Variants in NIBAN1 observed in about 807,000 individuals in gnomAD.
The protein encoded by NIBAN1 is niban apoptosis regulator 1, also known as protein Niban 1.
Under a neutral mutation model 75.1 loss-of-function variants are expected in NIBAN1, and 81 were observed. The observed-to-expected ratio is 1.08, with a 90% CI of 0.90 to 1.30. NIBAN1 has a LOEUF of 1.30. NIBAN1 is among the 50% of genes most tolerant of loss of function. The probability of loss-of-function intolerance (pLI) is 0.00; values close to 1 mark genes in which losing one functional copy is unlikely to be tolerated. For missense variants in NIBAN1, 1,133 were observed against 1,128.1 expected (o/e 1.00, Z -0.06); for synonymous variants, 436 against 424.8 (o/e 1.03, Z -0.32).
rs1239080742 is a variant in NIBAN1 at position 184,795,005 on chromosome 1, C to G, written c.2759G>C (p.Ser920Thr). The G allele has an allele frequency of 6.2e-7, 1 of 1,612,180 alleles. No individual in the cohort carries two copies. The highest frequency in any genetic ancestry group is 8.5e-7 in the Non-Finnish European group (1 of 1,180,046). Residue 920 changes from serine (S) to threonine (T), a missense_variant, in exon 14 of 14, where the codon AGT becomes ACT. By Grantham distance (58) the Ser-to-Thr change is moderately conservative. Coordinates refer to ENST00000367511, the MANE Select transcript of NIBAN1 (RefSeq NM_052966.4). ...DVKEGEGGQE[S>T]FPELPSEE Reference sequence around the variant, plus strand: ...CTCCTCTGAGGGCAGCTCTGGGAAACTCTCCTGACCACCTTCTCCCTCCTT... The same window carrying G: ...CTCCTCTGAGGGCAGCTCTGGGAAAGTCTCCTGACCACCTTCTCCCTCCTT...
In NIBAN1 at chr1:184,890,303, C is replaced by G. The variant is rs991443249; in HGVS notation, c.319-81G>C. On this transcript the variant is annotated intron_variant, in intron 3 of 13. Transcript: ENST00000367511. ...AAATATCAGGGATATAACAAATAGA[C>G]AGATTCAGACATTCAGAGATAGCAA... 8 of 915,112 alleles carry G rather than the reference C, an allele frequency of 8.7e-6. No individual in the cohort carries two copies. The Admixed American group carries it at 1.5e-4, about 17-fold the overall frequency. The allele number at this position is 915,112 out of a possible 1,614,324, so 56.7% of individuals were successfully genotyped here. A position where few individuals can be genotyped will look rare whatever the true frequency, so the allele number is the denominator to read the frequency against.
rs565220094 is a variant in NIBAN1, at chr1:184,815,063, T to C, written c.1173+3575A>G. ...GAACCAATATTCACTTCCATATTCC[T>C]GGGGAAAAAATTAAAGCGTCAGGTA... On this transcript the variant is annotated intron_variant, in intron 9 of 13. Coordinates refer to ENST00000367511, the MANE Select transcript of NIBAN1 (RefSeq NM_052966.4). 2.0e-5 allele frequency among the ~76,000 whole-genome samples: 3 copies of C among 152,322 alleles called. No individual in the cohort carries two copies. The South Asian group carries it at 6.2e-4, about 32-fold the overall frequency.
At chr1:184,911,903 G>A (rs1421534879) in intron 1 of NIBAN1, among the ~76,000 whole-genome samples, 1 of 152,108 alleles carries the variant, frequency 6.6e-6, no homozygotes, top group Non-Finnish European at 1.5e-5. Context: ...GTGATACTAT[G>A]CCACATTTGC....
chr1:184,805,938 G>A lies in NIBAN1; in HGVS notation c.1446+8C>T, dbSNP rs749279148. The stretch of plus-strand genomic sequence containing the variant: ...TTATGCTTCCCACAAACAAGAGAAC[G>A]GTTTTACCTTTAAGACTCGGAGTTT... On this transcript the variant is annotated splice_region_variant and intron_variant, in intron 11 of 13. Transcript: ENST00000367511. 13 of 1,607,220 alleles carry A rather than the reference G, an allele frequency of 8.1e-6. No homozygotes were observed. Among genetic ancestry groups the A allele is most frequent in the East Asian group, 2.2e-5 (1 of 44,880 alleles).
chr1:184,836,039 A>G (rs1655133059), intron 5 of NIBAN1, among the ~76,000 whole-genome samples: 1 of 152,088 alleles, frequency 6.6e-6, no homozygotes, highest in South Asian at 2.1e-4. Context: ...AAATCGAAGT[A>G]TTTTTTCCTC....
At chr1:184,952,800 C>T (rs962306911) in intron 1 of NIBAN1, among the ~76,000 whole-genome samples, 5 of 152,162 alleles carry the variant, frequency 3.3e-5, no homozygotes, top group South Asian at 2.1e-4. Flanking sequence ...ATGAGAAAAC[C>T]GAGGCCTAAA....
chr1:184,971,234 T>C lies in NIBAN1; in HGVS notation c.55+3068A>G, dbSNP rs577261119. Among the ~76,000 whole-genome samples the C allele has an allele frequency of 1.9e-3, 282 of 152,066 alleles. 1 individual carries two copies. The highest frequency in any genetic ancestry group is 6.7e-3 in the African/African-American group (276 of 41,472). Reference sequence around the variant, plus strand: ...GGGAGGTCAAGGCTCACAGTGATTGTACCACTGCACTCAGCCTGCGTAACA... The same window carrying C: ...GGGAGGTCAAGGCTCACAGTGATTGCACCACTGCACTCAGCCTGCGTAACA... On this transcript the variant is annotated intron_variant, in intron 1 of 13. Coordinates refer to ENST00000367511, the MANE Select transcript of NIBAN1 (RefSeq NM_052966.4).
Position 184,795,937 on chromosome 1 carries a change from C to T in NIBAN1, c.1827G>A (p.Leu609=), listed in dbSNP as rs1290634958. The T allele has an allele frequency of 3.7e-6, 6 of 1,614,060 alleles. No individual in the cohort carries two copies. The highest frequency in any genetic ancestry group is 4.5e-5 in the East Asian group (2 of 44,888). ...RRASAILPGV[L]GSETLSNEVF... ...CTTCGTTACTGAGGGTCTCACTACCCAGAACTCCTGGCAGAATGGCAGAAG... is the reference window on the plus strand; with the variant it reads ...CTTCGTTACTGAGGGTCTCACTACCTAGAACTCCTGGCAGAATGGCAGAAG... The change falls in exon 14 of 14, where the codon CTG becomes CTA. Residue 609 remains leucine, a synonymous_variant. Transcript: ENST00000367511.
intron 5 of NIBAN1, among the ~76,000 whole-genome samples, chr1:184,839,108 C>T (rs1557883536): frequency 6.6e-6 from 1 of 152,100 alleles, no homozygotes; most frequent in African/African-American, 2.4e-5. Flanking sequence ...GATGCTTACA[C>T]ACACACAGTC....
At chr1:184,809,440 G>T (rs905563144) in intron 9 of NIBAN1, among the ~76,000 whole-genome samples, 4 of 152,126 alleles carry the variant, frequency 2.6e-5, no homozygotes, top group African/African-American at 9.7e-5. Flanking sequence ...TAGCAGTATG[G>T]GGGAGAAAGC....
intron 1 of NIBAN1, among the ~76,000 whole-genome samples, chr1:184,934,201 A>G (rs1194949118): frequency 6.6e-6 from 1 of 152,228 alleles, no homozygotes; most frequent in African/African-American, 2.4e-5. Context: ...CATTATCCTA[A>G]GCGAATTAAT....
intron 1 of NIBAN1, among the ~76,000 whole-genome samples, chr1:184,971,849 G>A (rs1658945171): frequency 2.0e-5 from 3 of 152,170 alleles, no homozygotes; most frequent in Admixed American, 2.0e-4. Flanking sequence ...TAAGAAACAT[G>A]AGCATTGCCG....
At chr1:184,925,054 G>A (rs1010622519) in intron 1 of NIBAN1, among the ~76,000 whole-genome samples, 4 of 151,198 alleles carry the variant, frequency 2.6e-5, no homozygotes, top group African/African-American at 7.3e-5. Flanking sequence ...TAATTTGCTT[G>A]TTATTAGCTG....
At chr1:184,886,207 T>A (rs1470732191) in intron 4 of NIBAN1, among the ~76,000 whole-genome samples, 2 of 152,128 alleles carry the variant, frequency 1.3e-5, no homozygotes, top group Non-Finnish European at 2.9e-5. Flanking sequence ...GAGACAGAGT[T>A]AGGTGCTTCC....
rs537025200 is a variant in NIBAN1 at position 184,794,036 on chromosome 1, G to T, written c.*941C>A. 1 of 151,660 alleles carries T rather than the reference G, an allele frequency of 6.6e-6. No individual in the cohort carries two copies. Among genetic ancestry groups the T allele is most frequent in the African/African-American group, 2.4e-5 (1 of 41,376 alleles). 9.4% of individuals were successfully genotyped at this position (151,660 alleles called of 1,614,324 possible). Reference sequence around the variant, plus strand: ...AAAAGCTGTCATAGTTTAAAAATTGGCATATGTTCTCTTCCAGATTAAATT... The same window carrying T: ...AAAAGCTGTCATAGTTTAAAAATTGTCATATGTTCTCTTCCAGATTAAATT... On this transcript the variant is annotated 3_prime_UTR_variant, in exon 14 of 14. Transcript: ENST00000367511.
chr1:184,965,534 C>G (rs536918216), intron 1 of NIBAN1, among the ~76,000 whole-genome samples: 37 of 152,006 alleles, frequency 2.4e-4, no homozygotes, highest in Non-Finnish European at 4.7e-4. Flanking sequence ...AGCAAACTAA[C>G]GCAGGAACAG....
chr1:184,878,140 C>T (rs559218586), intron 5 of NIBAN1, among the ~76,000 whole-genome samples: 40 of 152,262 alleles, frequency 2.6e-4, no homozygotes, highest in African/African-American at 8.9e-4. Context: ...TTCTTGGCAA[C>T]ACTGCTTTAG....
At chr1:184,855,956 C>T (rs142454424) in intron 5 of NIBAN1, among the ~76,000 whole-genome samples, 152 of 152,246 alleles carry the variant, frequency 1.0e-3, no homozygotes, top group Non-Finnish European at 1.8e-3. Context: ...GACAAAAGTA[C>T]ACGTCTAAAC....
intron 9 of NIBAN1, among the ~76,000 whole-genome samples, chr1:184,814,204 G>C (rs1405569138): frequency 6.6e-6 from 1 of 152,060 alleles, no homozygotes; most frequent in Non-Finnish European, 1.5e-5. Flanking sequence ...TGGCATTATT[G>C]CTTTTTCCCT....
Sources: gnomAD v4.1 joint callset for allele counts (sites outside exome capture counted in the v4.1 genomes callset) on GRCh38, gnomAD v4.1.1 for gene constraint, MANE v1.5 for transcripts, NCBI Gene and HGNC (gene_info 2026-07-23, HGNC 2026-07-21) for gene names.